EFCAB7: variants seen among roughly 807,000 people sequenced by gnomAD.
EFCAB7 encodes the protein EF-hand calcium-binding domain-containing protein 7.
In EFCAB7, 66 loss-of-function variants were observed where a neutral mutation model predicts 77.1. The observed-to-expected ratio is 0.86, with a 90% CI of 0.70 to 1.05. EFCAB7 has a LOEUF of 1.05. Ranked by LOEUF, EFCAB7 falls within the 50% of genes least tolerant of loss-of-function variation. EFCAB7 has a pLI of 0.00. For missense variants in EFCAB7, 638 were observed against 730.5 expected (o/e 0.87, Z 1.46); for synonymous variants, 225 against 243.3 (o/e 0.92, Z 0.70).
chr1:63,577,374 A>G (rs1227433942), downstream of EFCAB7, among the ~76,000 whole-genome samples: 1 of 152,234 alleles, frequency 6.6e-6, no homozygotes, highest in African/African-American at 2.4e-5. Context: ...AGTTAAATTC[A>G]AGGCCAGCTT....
At chr1:63,550,167 A>G (rs1402593446) in intron 7 of EFCAB7, 1 of 152,190 alleles carries the variant, frequency 6.6e-6, no homozygotes, top group Non-Finnish European at 1.5e-5. Context: ...TTCTTTTGTA[A>G]TTTGTAACTT....
chr1:63,548,219 GAGTA>G (rs1049613977), intron 7 of EFCAB7: 1 of 152,230 alleles, frequency 6.6e-6, no homozygotes, highest in Non-Finnish European at 1.5e-5. Context: ...GTCTCAAATG[GAGTA>G]AGTGAGGAGA....
At chr1:63,526,482 A>G (rs993329204) in intron 2 of EFCAB7, among the ~76,000 whole-genome samples, 2 of 152,180 alleles carry the variant, frequency 1.3e-5, no homozygotes, top group African/African-American at 4.8e-5. Flanking sequence ...TTAAACCAAA[A>G]CCCTGACATA....
downstream of EFCAB7, among the ~76,000 whole-genome samples, chr1:63,576,510 A>G (rs1338832631): frequency 6.6e-6 from 1 of 151,392 alleles, no homozygotes; most frequent in African/African-American, 2.4e-5. Context: ...ACAAAAAATA[A>G]CAAAGTACTT....
intron 6 of EFCAB7, among the ~76,000 whole-genome samples, chr1:63,537,273 T>G: frequency 6.6e-6 from 1 of 152,190 alleles, no homozygotes; most frequent in East Asian, 1.9e-4. Context: ...TGTCTAGAAT[T>G]AGAGTAAGCC....
intron 8 of EFCAB7, among the ~76,000 whole-genome samples, chr1:63,553,670 T>C (rs1029947803): frequency 6.6e-6 from 1 of 152,156 alleles, no homozygotes; most frequent in Non-Finnish European, 1.5e-5. Flanking sequence ...TTCGGTTATA[T>C]TGGATTTCTT....
intron 11 of EFCAB7, among the ~76,000 whole-genome samples, chr1:63,563,178 A>C (rs774348924): frequency 2.0e-4 from 30 of 152,228 alleles, no homozygotes; most frequent in Admixed American, 1.7e-3. Flanking sequence ...TTTTTACCAC[A>C]GTTACTGATG....
chr1:63,549,565 GA>G (rs751438623), intron 7 of EFCAB7: 88 of 422,908 alleles, frequency 2.1e-4, no homozygotes, highest in Admixed American at 5.8e-4. Flanking sequence ...TATCAAAAAG[GA>G]AAAAAAAATG....
At chr1:63,547,865 G>A (rs1437932268) in intron 7 of EFCAB7, 1 of 152,142 alleles carries the variant, frequency 6.6e-6, no homozygotes, top group Admixed American at 6.5e-5. Context: ...TGGCACAATA[G>A]GATCTCCTGA....
chr1:63,545,549 C>T (rs1004930345), intron 6 of EFCAB7, among the ~76,000 whole-genome samples: 1 of 152,186 alleles, frequency 6.6e-6, no homozygotes, highest in African/African-American at 2.4e-5. Context: ...TCACTGCATC[C>T]TCTGCCTCCC....
chr1:63,578,895 A>G, the EFCAB7 span, among the ~76,000 whole-genome samples: 1 of 152,220 alleles, frequency 6.6e-6, no homozygotes, highest in South Asian at 2.1e-4. Context: ...AACAAGTATT[A>G]CAGTCTGTAC....
chr1:63,562,908 A>G (rs1647126435), intron 11 of EFCAB7, among the ~76,000 whole-genome samples: 1 of 152,168 alleles, frequency 6.6e-6, no homozygotes, highest in Non-Finnish European at 1.5e-5. Context: ...AGATACATTT[A>G]GACTTTGGTT....
intron 11 of EFCAB7, among the ~76,000 whole-genome samples, chr1:63,567,908 T>A (rs1455782624): frequency 6.6e-6 from 1 of 152,230 alleles, no homozygotes; most frequent in African/African-American, 2.4e-5. Context: ...TCTGTATCCA[T>A]GCAGTAAGCT....
At chr1:63,566,466 A>G (rs1647174523) in intron 11 of EFCAB7, among the ~76,000 whole-genome samples, 1 of 152,242 alleles carries the variant, frequency 6.6e-6, no homozygotes, top group Admixed American at 6.5e-5. Flanking sequence ...TACCTGTGTA[A>G]CAAATCTGCA....
intron 7 of EFCAB7, chr1:63,550,603 C>T (rs1040579731): frequency 6.2e-5 from 9 of 146,270 alleles, no homozygotes; most frequent in Admixed American, 2.7e-4. Context: ...TGTTAATGTT[C>T]GACAAGCAAC....
chr1:63,540,186 A>G (rs1646810877), intron 6 of EFCAB7, among the ~76,000 whole-genome samples: 1 of 151,592 alleles, frequency 6.6e-6, no homozygotes. Flanking sequence ...AACATAGTGA[A>G]ACCCCATCTC....
intron 2 of EFCAB7, among the ~76,000 whole-genome samples, chr1:63,530,851 A>G (rs1646682484): frequency 6.6e-6 from 1 of 152,132 alleles, no homozygotes; most frequent in Non-Finnish European, 1.5e-5. Context: ...TGATTTTCTC[A>G]TTTCATTAAG....
intron 2 of EFCAB7, among the ~76,000 whole-genome samples, chr1:63,530,266 T>G (rs1488512342): frequency 6.6e-6 from 1 of 152,228 alleles, no homozygotes; most frequent in Non-Finnish European, 1.5e-5. Context: ...GATTATCATT[T>G]TTTGATGCTG....
rs760173637 is a variant in EFCAB7 at position 63,532,680 on chromosome 1, A to T, written c.410A>T (p.Lys137Met). The T allele has an allele frequency of 2.5e-6, 4 of 1,595,784 alleles. No homozygotes were observed. The South Asian group carries it at 4.6e-5, about 18-fold the overall frequency. Reference protein sequence around the residue: ...LYKFLTKRGEKMTREEVNAII... With the variant: ...LYKFLTKRGEMMTREEVNAII... ...GTTTTTTTTTTTCAGAGAGGTGAGA[A>T]GATGACTCGAGAAGAAGTAAATGCC... The change falls in exon 4 of 14, where the codon AAG becomes ATG. Residue 137 changes from lysine (K) to methionine (M), a missense_variant. Lys to Met is a moderately conservative substitution (Grantham distance 95). Coordinates refer to ENST00000371088, the MANE Select transcript of EFCAB7 (RefSeq NM_032437.4).
Sources: gnomAD v4.1 joint callset for allele counts (sites outside exome capture counted in the v4.1 genomes callset) on GRCh38, gnomAD v4.1.1 for gene constraint, MANE v1.5 for transcripts, NCBI Gene and HGNC (gene_info 2026-07-23, HGNC 2026-07-21) for gene names.